EFL1: variants seen among roughly 807,000 people sequenced by gnomAD.
EFL1 encodes elongation factor like GTPase 1.
EFL1 carries 76 observed loss-of-function variants against 126.7 expected under a neutral mutation model. That is an observed-to-expected ratio of 0.60 (90% CI 0.50 to 0.73). EFL1 has a LOEUF of 0.73. Ranked by LOEUF, EFL1 falls within the 30% of genes least tolerant of loss-of-function variation. EFL1 has a pLI of 0.00. For synonymous variants in EFL1, 410 were observed against 448.4 expected (o/e 0.91, Z 1.08); for missense variants, 1,128 against 1,343.2 (o/e 0.84, Z 2.50).
intron 15 of EFL1, among the ~76,000 whole-genome samples, chr15:82,189,516 A>C (rs1284183596): frequency 2.0e-5 from 3 of 152,188 alleles, no homozygotes; most frequent in African/African-American, 7.2e-5. Flanking sequence ...ATTATTTTTT[A>C]AACTGGGCAT....
chr15:82,168,288 C>T (rs2074099399), intron 15 of EFL1, among the ~76,000 whole-genome samples: 1 of 152,116 alleles, frequency 6.6e-6, no homozygotes, highest in African/African-American at 2.4e-5. Flanking sequence ...CACCCTTTTC[C>T]AAGCCTGCTT....
At chr15:82,248,772 T>C (rs1381563072) in intron 4 of EFL1, among the ~76,000 whole-genome samples, 1 of 152,036 alleles carries the variant, frequency 6.6e-6, no homozygotes, top group African/African-American at 2.4e-5. Flanking sequence ...GTTTTCCATA[T>C]GGTGTTTTAC....
intron 15 of EFL1, among the ~76,000 whole-genome samples, chr15:82,167,533 CTG>C (rs1360745675): frequency 6.6e-6 from 1 of 151,898 alleles, no homozygotes; most frequent in Non-Finnish European, 1.5e-5. Context: ...TGATATGAGA[CTG>C]AAAAAAATTG....
chr15:82,206,369 A>G (rs28689861), intron 15 of EFL1, among the ~76,000 whole-genome samples: 31,254 of 152,138 alleles, frequency 0.21, 3,434 homozygotes, highest in Non-Finnish European at 0.26. Context: ...CAAGTCATCA[A>G]TAAGACATCA....
intron 15 of EFL1, among the ~76,000 whole-genome samples, chr15:82,191,231 C>T (rs1201471957): frequency 6.6e-6 from 1 of 152,124 alleles, no homozygotes; most frequent in Non-Finnish European, 1.5e-5. Context: ...ATACAACACA[C>T]CCTGAAATCT....
chr15:82,191,753 C>T (rs1353843170), intron 15 of EFL1, among the ~76,000 whole-genome samples: 2 of 152,156 alleles, frequency 1.3e-5, no homozygotes, highest in Admixed American at 6.5e-5. Flanking sequence ...CCATCATGCT[C>T]ACTTTCTTGG....
chr15:82,139,459 G>T (rs776646014), intron 18 of EFL1, among the ~76,000 whole-genome samples: 1 of 152,218 alleles, frequency 6.6e-6, no homozygotes, highest in South Asian at 2.1e-4. Context: ...CACAGCACAA[G>T]AATTCCACTA....
chr15:82,206,535 T>C (rs2074526719), intron 15 of EFL1, among the ~76,000 whole-genome samples: 2 of 152,174 alleles, frequency 1.3e-5, no homozygotes, highest in Admixed American at 1.3e-4. Flanking sequence ...ATGTATCTCA[T>C]TTGGCAGGGA....
chr15:82,241,146 A>G, intron 5 of EFL1, 124 bp downstream of exon 5: 1 of 1,127,796 alleles, frequency 8.9e-7, no homozygotes, highest in South Asian at 1.5e-5. Flanking sequence ...CACAGACTGG[A>G]ACGTTACCAA....
chr15:82,162,595 G>A (rs1474326835), intron 16 of EFL1, among the ~76,000 whole-genome samples: 1 of 152,190 alleles, frequency 6.6e-6, no homozygotes, highest in Non-Finnish European at 1.5e-5. Context: ...CACAGAATGG[G>A]ATAAATCCGT....
intron 15 of EFL1, among the ~76,000 whole-genome samples, chr15:82,187,964 T>A (rs1288596844): frequency 6.6e-6 from 1 of 152,110 alleles, no homozygotes; most frequent in Non-Finnish European, 1.5e-5. Context: ...TCCAGACTTT[T>A]AGGATACTCT....
chr15:82,247,872 A>G (rs1277887221), intron 4 of EFL1, among the ~76,000 whole-genome samples: 1 of 152,134 alleles, frequency 6.6e-6, no homozygotes, highest in East Asian at 1.9e-4. Flanking sequence ...TGAAGACCAC[A>G]GGGACGTAGG....
intron 4 of EFL1, among the ~76,000 whole-genome samples, chr15:82,252,430 T>C (rs894593353): frequency 2.0e-5 from 3 of 152,186 alleles, no homozygotes; most frequent in African/African-American, 4.8e-5. Flanking sequence ...GCTCCTGACT[T>C]TCCTTGTGAA....
rs542157995 is a variant in EFL1 at position 82,170,446 on chromosome 15, T to C, written c.1751-6462A>G. ...ATGTCTAAGTGAGAAACCAAGGTCA[T>C]TATTGACAGCTGCAGGGTGGAGCAC... On this transcript the variant is annotated intron_variant, in intron 15 of 19. Coordinates refer to ENST00000268206, the MANE Select transcript of EFL1 (RefSeq NM_024580.6). Among the ~76,000 whole-genome samples, 48 of 152,340 alleles carry C rather than the reference T, an allele frequency of 3.2e-4. No homozygotes were observed. In the South Asian group the frequency reaches 8.9e-3, roughly 28 times the overall value.
intron 14 of EFL1, among the ~76,000 whole-genome samples, chr15:82,219,167 G>A (rs983272150): frequency 1.2e-4 from 18 of 152,158 alleles, no homozygotes; most frequent in African/African-American, 3.9e-4. Context: ...TTCGCCCCTT[G>A]GCTCAGGCAT....
chr15:82,168,277 T>C (rs768652487), intron 15 of EFL1, among the ~76,000 whole-genome samples: 2 of 152,198 alleles, frequency 1.3e-5, no homozygotes, highest in Non-Finnish European at 2.9e-5. Flanking sequence ...ATAACTCTTG[T>C]CACCCTTTTC....
intron 3 of EFL1, among the ~76,000 whole-genome samples, chr15:82,254,859 G>C (rs1269817058): frequency 6.6e-6 from 1 of 152,182 alleles, no homozygotes; most frequent in Admixed American, 6.5e-5. Context: ...TAAGGAGTTG[G>C]AAAAGGATGG....
chr15:82,180,359 CAAA>C (rs71156028), intron 15 of EFL1, among the ~76,000 whole-genome samples: 3 of 120,628 alleles, frequency 2.5e-5, no homozygotes, highest in Admixed American at 8.0e-5. Context: ...ATTAAACTGG[CAAA>C]AAAAAAAAAA....
chr15:82,226,980 C>T (rs2074770402), intron 11 of EFL1, among the ~76,000 whole-genome samples: 1 of 152,180 alleles, frequency 6.6e-6, no homozygotes, highest in Admixed American at 6.5e-5. Context: ...TCAATTGCGT[C>T]AAATGCTAGT....
Sources: allele counts gnomAD v4.1 joint callset (sites outside exome capture counted in the v4.1 genomes callset), GRCh38; gene constraint gnomAD v4.1.1; transcripts MANE v1.5; gene names NCBI Gene and HGNC (gene_info 2026-07-23, HGNC 2026-07-21).